PALLD: variants seen among roughly 807,000 people sequenced by gnomAD.
PALLD encodes the protein palladin.
PALLD carries 61 observed loss-of-function variants against 123.5 expected under a neutral mutation model. The ratio of observed to expected loss-of-function variants is 0.49; its 90% CI spans 0.40 to 0.61. PALLD has a LOEUF of 0.61. PALLD is among the 20% of genes least tolerant of loss of function. PALLD has a pLI of 0.00. For missense variants in PALLD, 1,273 were observed against 1,377.0 expected, an observed-to-expected ratio of 0.92 and a Z score of 1.20; for synonymous variants, 465 against 496.4, an observed-to-expected ratio of 0.94 and a Z score of 0.84.
intron 2 of PALLD, among the ~76,000 whole-genome samples, chr4:168,592,878 G>T (rs1771575499): frequency 6.6e-6 from 1 of 152,100 alleles, no homozygotes. Context: ...GAGGAATCTA[G>T]GTCATTGTCC....
intron 10 of PALLD, among the ~76,000 whole-genome samples, chr4:168,811,169 G>C (rs1566498): frequency 6.6e-6 from 1 of 152,108 alleles, no homozygotes. Flanking sequence ...GTGGACAACC[G>C]AAAGAGTTAG....
intron 10 of PALLD, among the ~76,000 whole-genome samples, chr4:168,884,369 G>A (rs1009145136): frequency 3.3e-5 from 5 of 152,132 alleles, no homozygotes; most frequent in African/African-American, 7.2e-5. Flanking sequence ...GTGCCCATCC[G>A]TTGGCCCTGC....
chr4:168,846,506 GGA>G (rs1746870398), intron 10 of PALLD, among the ~76,000 whole-genome samples: 1 of 152,158 alleles, frequency 6.6e-6, no homozygotes, highest in Non-Finnish European at 1.5e-5. Context: ...GTTATGCGAG[GGA>G]GAGTAGGTAT....
At chr4:168,565,862 G>C (rs1339435131) in intron 2 of PALLD, among the ~76,000 whole-genome samples, 1 of 152,178 alleles carries the variant, frequency 6.6e-6, no homozygotes, top group Admixed American at 6.5e-5. Context: ...AATGCTCCAT[G>C]AAATTTTATA....
intron 10 of PALLD, among the ~76,000 whole-genome samples, chr4:168,771,085 A>C (rs72701827): frequency 0.33 from 48,581 of 149,424 alleles, 8,895 homozygotes; most frequent in Non-Finnish European, 0.42. Context: ...ACAAAAAAAA[A>C]ACCTTAGTTT....
chr4:168,761,641 G>GTT (rs1230404942), intron 10 of PALLD, among the ~76,000 whole-genome samples: 4 of 11,648 alleles, frequency 3.4e-4, no homozygotes, highest in East Asian at 4.5e-3. Context: ...TGTTGTTGTT[G>GTT]TTTGTTTTTT....
intron 2 of PALLD, among the ~76,000 whole-genome samples, chr4:168,663,610 A>G (rs1027842365): frequency 6.6e-6 from 1 of 152,228 alleles, no homozygotes; most frequent in South Asian, 2.1e-4. Flanking sequence ...GGAACTGGCT[A>G]ACCCTGGGAT....
At chr4:168,755,207 T>C (rs1486688712) in intron 10 of PALLD, among the ~76,000 whole-genome samples, 1 of 130,810 alleles carries the variant, frequency 7.6e-6, no homozygotes, top group Non-Finnish European at 1.5e-5. Flanking sequence ...CACTCCAGCC[T>C]GGGCGAGAGA....
rs1444264117 is a variant in PALLD, at chr4:168,878,264, C to T, written c.1965-12658C>T. The T allele has an allele frequency of 2.0e-6, 3 of 1,526,250 alleles. No individual in the cohort carries two copies. Among genetic ancestry groups the T allele is most frequent in the Admixed American group, 4.0e-5 (2 of 50,410 alleles). The allele number at this position is 1,526,250 out of a possible 1,614,324, so 94.5% of individuals were successfully genotyped here. ...GCTCCCGAGCCCGGGACAGGCGTCC[C>T]ACTGCTCGTCGCCTGCCACCCGCTT... On this transcript the variant is annotated intron_variant, in intron 10 of 21. Coordinates refer to ENST00000505667, the MANE Select transcript of PALLD (RefSeq NM_001166108.2).
rs1339464645 is a variant in PALLD, at chr4:168,926,642, A to G, written c.*462A>G. ...CTTTGGAATTGCTGTGATTAAAGTG[A>G]TCAAAATGCCAAAATACTAAAGGAA... On this transcript the variant is annotated 3_prime_UTR_variant, in exon 22 of 22. Coordinates refer to ENST00000505667, the MANE Select transcript of PALLD (RefSeq NM_001166108.2). The G allele has an allele frequency of 1.0e-5, 4 of 381,662 alleles. No individual in the cohort carries two copies. Among genetic ancestry groups the G allele is most frequent in the Non-Finnish European group, 1.9e-5 (4 of 210,470 alleles). 23.6% of individuals were successfully genotyped at this position (381,662 alleles called of 1,614,324 possible). A position where few individuals can be genotyped will look rare whatever the true frequency, so the allele number is the denominator to read the frequency against.
At chr4:168,733,928 G>T (rs1176025157) in intron 10 of PALLD, among the ~76,000 whole-genome samples, 1 of 152,098 alleles carries the variant, frequency 6.6e-6, no homozygotes, top group East Asian at 1.9e-4. Context: ...GTAGAGACGG[G>T]GTTTCACCAT....
chr4:168,653,252 C>A (rs1321636267), intron 2 of PALLD, among the ~76,000 whole-genome samples: 3 of 152,058 alleles, frequency 2.0e-5, no homozygotes, highest in Non-Finnish European at 4.4e-5. Flanking sequence ...ATTTTTACGT[C>A]CAATTTCAAA....
At chr4:168,725,537 T>TG (rs1786478147) in intron 10 of PALLD, among the ~76,000 whole-genome samples, 1 of 143,414 alleles carries the variant, frequency 7.0e-6, no homozygotes, top group Non-Finnish European at 1.5e-5. Context: ...TTTTTTTTTT[T>TG]TTTTTTTGAG....
intron 2 of PALLD, among the ~76,000 whole-genome samples, chr4:168,664,970 AG>A (rs1205174242): frequency 1.3e-5 from 2 of 152,200 alleles, no homozygotes; most frequent in East Asian, 3.9e-4. Context: ...CTTCCAGTTC[AG>A]GTTCCTCATC....
At chr4:168,820,370 A>G (rs1392755) in intron 10 of PALLD, among the ~76,000 whole-genome samples, 83,896 of 151,846 alleles carry the variant, frequency 0.55, 23,975 homozygotes, top group Non-Finnish European at 0.63. Flanking sequence ...ACACCTAGCA[A>G]TGGAATATTA....
intron 2 of PALLD, among the ~76,000 whole-genome samples, chr4:168,539,198 T>G (rs1480672937): frequency 1.3e-5 from 2 of 152,178 alleles, no homozygotes; most frequent in Non-Finnish European, 2.9e-5. Flanking sequence ...CTTAGAGAAA[T>G]TAAGTAACTT....
intron 10 of PALLD, among the ~76,000 whole-genome samples, chr4:168,804,045 T>C (rs1739769387): frequency 6.6e-6 from 1 of 151,942 alleles, no homozygotes; most frequent in South Asian, 2.1e-4. Context: ...TAAACAGGCC[T>C]GGCTTTTTAC....
chr4:168,503,847 G>A (rs1009090558), intron 1 of PALLD, among the ~76,000 whole-genome samples: 2 of 152,056 alleles, frequency 1.3e-5, no homozygotes, highest in Non-Finnish European at 2.9e-5. Context: ...GCTGTCCACG[G>A]GTATGTTTAA....
chr4:168,504,034 C>T (rs1221962433), intron 1 of PALLD, among the ~76,000 whole-genome samples: 1 of 152,172 alleles, frequency 6.6e-6, no homozygotes, highest in East Asian at 1.9e-4. Flanking sequence ...CTCCTTGTAA[C>T]TGAGTTATTT....
Sources: gnomAD v4.1 joint callset for allele counts (sites outside exome capture counted in the v4.1 genomes callset) on GRCh38, gnomAD v4.1.1 for gene constraint, MANE v1.5 for transcripts, NCBI Gene and HGNC (gene_info 2026-07-23, HGNC 2026-07-21) for gene names.